The following ASAP1 variants were observed in gnomAD, a reference collection of about 807,000 sequenced individuals.
The protein encoded by ASAP1 is arf-GAP with SH3 domain, ANK repeat and PH domain-containing protein 1.
ASAP1 carries 43 observed loss-of-function variants against 145.2 expected under a neutral mutation model. The ratio of observed to expected loss-of-function variants is 0.30; its 90% CI spans 0.23 to 0.38. The LOEUF (loss-of-function observed/expected upper bound fraction) is 0.38, where lower values mean the gene tolerates loss of function less well. Among genes scored for constraint, ASAP1 ranks in the 10% least tolerant of loss-of-function variants. ASAP1 has a pLI of 1.00. For synonymous variants in ASAP1, 546 were observed against 515.5 expected (o/e 1.06, Z -0.80); for missense variants, 1,018 against 1,355.3 (o/e 0.75, Z 3.91).
intron 1 of ASAP1, among the ~76,000 whole-genome samples, chr8:130,441,199 C>G (rs1830477492): frequency 6.6e-6 from 1 of 152,190 alleles, no homozygotes; most frequent in African/African-American, 2.4e-5. Flanking sequence ...CACAGGGAAG[C>G]CACTTAGCAA....
rs1419670374 is a variant in ASAP1 at position 130,428,632 on chromosome 8, ACT to A, written c.-28+14826_-28+14827del. Reference sequence around the variant, plus strand: ...CATCATCATCACCACCACCACCACCACTGTCATCATCACCACCATCATCACCA... The same window carrying A: ...CATCATCATCACCACCACCACCACCAGTCATCATCACCACCATCATCACCA... On this transcript the variant is annotated intron_variant, in intron 1 of 29. Transcript: ENST00000518721. Among the ~76,000 whole-genome samples the A allele has an allele frequency of 1.3e-4, 19 of 149,420 alleles. No individual in the cohort carries two copies. The South Asian group carries it at 2.1e-3, about 17-fold the overall frequency.
chr8:130,282,048 G>A (rs977489201), intron 3 of ASAP1, among the ~76,000 whole-genome samples: 6 of 147,588 alleles, frequency 4.1e-5, no homozygotes, highest in African/African-American at 1.5e-4. Flanking sequence ...CAGTCCAGGC[G>A]ACAGTGCAAG....
intron 27 of ASAP1, among the ~76,000 whole-genome samples, chr8:130,073,160 C>T (rs1485654031): frequency 2.0e-5 from 3 of 151,418 alleles, no homozygotes; most frequent in Non-Finnish European, 2.9e-5. Context: ...GAGGCTGAGG[C>T]GGGGGGATCA....
chr8:130,127,612 C>A (rs540851257), intron 16 of ASAP1, among the ~76,000 whole-genome samples: 24 of 152,200 alleles, frequency 1.6e-4, no homozygotes, highest in African/African-American at 5.8e-4. Flanking sequence ...GAGTGGTGGA[C>A]AGTGATACAA....
chr8:130,391,444 A>T (rs28559741), intron 2 of ASAP1, among the ~76,000 whole-genome samples: 49,169 of 152,168 alleles, frequency 0.32, 8,764 homozygotes, highest in African/African-American at 0.46. Flanking sequence ...TTTTTATGTT[A>T]TGCATACTTC....
chr8:130,318,686 T>C (rs139673382), intron 3 of ASAP1, among the ~76,000 whole-genome samples: 129 of 152,318 alleles, frequency 8.5e-4, no homozygotes, highest in Non-Finnish European at 1.4e-3. Flanking sequence ...CTTTTACAGT[T>C]AGGTCCCTTT....
intron 13 of ASAP1, among the ~76,000 whole-genome samples, chr8:130,138,293 T>C (rs146129606): frequency 7.9e-5 from 12 of 152,176 alleles, no homozygotes; most frequent in Admixed American, 7.2e-4. Flanking sequence ...AGATTAAACA[T>C]AGAAAACAAT....
chr8:130,240,155 G>A (rs891772587), intron 3 of ASAP1, among the ~76,000 whole-genome samples: 1 of 152,086 alleles, frequency 6.6e-6, no homozygotes, highest in Non-Finnish European at 1.5e-5. Context: ...CTTTTGTGGG[G>A]GGGAGCGGGT....
At chr8:130,431,952 G>A (rs1423147040) in intron 1 of ASAP1, among the ~76,000 whole-genome samples, 2 of 126,486 alleles carry the variant, frequency 1.6e-5, no homozygotes, top group African/African-American at 6.1e-5. Flanking sequence ...AGGAAAGGAG[G>A]AAGGAGGAGG....
intron 15 of ASAP1, among the ~76,000 whole-genome samples, chr8:130,134,031 C>T (rs186354206): frequency 2.4e-4 from 37 of 152,252 alleles, no homozygotes; most frequent in East Asian, 1.2e-3. Flanking sequence ...ATGAAGAGGC[C>T]GCGGGCAAGG....
intron 3 of ASAP1, among the ~76,000 whole-genome samples, chr8:130,239,381 T>C (rs1419689236): frequency 1.3e-5 from 2 of 152,144 alleles, no homozygotes; most frequent in African/African-American, 4.8e-5. Flanking sequence ...ATATTCTTAT[T>C]ATATCCATTT....
At chr8:130,221,763 T>C (rs1259373333) in intron 4 of ASAP1, among the ~76,000 whole-genome samples, 2 of 152,192 alleles carry the variant, frequency 1.3e-5, no homozygotes, top group Non-Finnish European at 2.9e-5. Flanking sequence ...CTATACTCCA[T>C]ATCCTAAAGT....
At chr8:130,062,496 TG>T (rs2097421648) in intron 27 of ASAP1, among the ~76,000 whole-genome samples, 1 of 152,166 alleles carries the variant, frequency 6.6e-6, no homozygotes, top group Non-Finnish European at 1.5e-5. Context: ...GTTCCTCTCT[TG>T]GAAGTCTGAA....
At chr8:130,160,868 T>A in intron 11 of ASAP1, 17 of 1,133,136 alleles carry the variant, frequency 1.5e-5, no homozygotes, top group Non-Finnish European at 1.9e-5. Context: ...TCATTGAAAA[T>A]GTTATCCATA....
intron 1 of ASAP1, among the ~76,000 whole-genome samples, chr8:130,416,856 G>A (rs1587005697): frequency 2.0e-5 from 3 of 152,168 alleles, no homozygotes; most frequent in Admixed American, 2.0e-4. Flanking sequence ...TCCCATTCTG[G>A]TATCACGGCA....
intron 3 of ASAP1, among the ~76,000 whole-genome samples, chr8:130,343,089 G>A (rs1825488409): frequency 6.6e-6 from 1 of 152,190 alleles, no homozygotes; most frequent in Admixed American, 6.5e-5. Context: ...GCACTACCTG[G>A]GGTCAGGCAA....
At chr8:130,158,439 C>T (rs2097662400) in intron 12 of ASAP1, among the ~76,000 whole-genome samples, 1 of 152,098 alleles carries the variant, frequency 6.6e-6, no homozygotes, top group East Asian at 1.9e-4. Flanking sequence ...CGCTTGTGCC[C>T]AGGAATTGGG....
chr8:130,321,953 T>C (rs1824034173), intron 3 of ASAP1, among the ~76,000 whole-genome samples: 1 of 152,336 alleles, frequency 6.6e-6, no homozygotes, highest in South Asian at 2.1e-4. Flanking sequence ...GGTAAAAAGA[T>C]AGATGCTAAA....
At chr8:130,254,394 A>C (rs1215496832) in intron 3 of ASAP1, among the ~76,000 whole-genome samples, 1 of 152,208 alleles carries the variant, frequency 6.6e-6, no homozygotes, top group Non-Finnish European at 1.5e-5. Context: ...GTAATCATAC[A>C]GTGGTCTGTT....
Sources: allele counts gnomAD v4.1 joint callset (sites outside exome capture counted in the v4.1 genomes callset), GRCh38; gene constraint gnomAD v4.1.1; transcripts MANE v1.5; gene names NCBI Gene and HGNC (gene_info 2026-07-23, HGNC 2026-07-21).